Variants in LRRC1 observed in about 807,000 individuals in gnomAD.
The protein encoded by LRRC1 is leucine rich repeat containing 1.
In LRRC1, 28 loss-of-function variants were observed where a neutral mutation model predicts 69.9. The observed-to-expected ratio is 0.40, with a 90% CI of 0.30 to 0.55. The LOEUF (loss-of-function observed/expected upper bound fraction) is 0.55. Ranked by LOEUF, LRRC1 falls within the 20% of genes least tolerant of loss-of-function variation. LRRC1 has a pLI of 0.47. For missense variants in LRRC1, 498 were observed against 609.0 expected (o/e 0.82, Z 1.92); for synonymous variants, 236 against 240.2 (o/e 0.98, Z 0.16).
chr6:53,845,305 T>C (rs1042919759), intron 2 of LRRC1, among the ~76,000 whole-genome samples: 1 of 152,200 alleles, frequency 6.6e-6, no homozygotes, highest in Non-Finnish European at 1.5e-5. Flanking sequence ...GGCCATTTCT[T>C]GGTCAAGCAG....
At chr6:53,827,017 C>T (rs1402933494) in intron 1 of LRRC1, among the ~76,000 whole-genome samples, 1 of 152,130 alleles carries the variant, frequency 6.6e-6, no homozygotes, top group Non-Finnish European at 1.5e-5. Context: ...CCCACTGTTT[C>T]CAAAACCTGG....
intron 1 of LRRC1, among the ~76,000 whole-genome samples, chr6:53,823,198 A>C (rs918060378): frequency 6.6e-6 from 1 of 152,174 alleles, no homozygotes; most frequent in African/African-American, 2.4e-5. Context: ...TTTTGAATTT[A>C]AAAAGAAAAT....
In LRRC1 at chr6:53,842,150, GTGATAATGAAATTCAGC is replaced by G. The variant is rs754762486; in HGVS notation, c.201_217del (p.Ser67ArgfsTer21). ...GTCAAATTACGAAAGCTTGGACTTAGTGATAATGAAATTCAGCGGCTCCCTCCAGAAATAGCAAACTT... is the reference window on the plus strand; with the variant it reads ...GTCAAATTACGAAAGCTTGGACTTAGGGCTCCCTCCAGAAATAGCAAACTT... On this transcript the variant is annotated frameshift_variant, in exon 2 of 14. Transcript: ENST00000370888. LOFTEE classifies it high-confidence loss of function. 6 of 1,613,858 alleles carry G rather than the reference GTGATAATGAAATTCAGC, an allele frequency of 3.7e-6. No homozygotes were observed. Among genetic ancestry groups the G allele is most frequent in the Non-Finnish European group, 5.1e-6 (6 of 1,179,916 alleles).
At chr6:53,809,486 C>T (rs4475321) in intron 1 of LRRC1, among the ~76,000 whole-genome samples, 95,137 of 152,064 alleles carry the variant, frequency 0.63, 30,073 homozygotes, top group East Asian at 0.9. Flanking sequence ...AGGAGCAAAG[C>T]GAATCAGATC....
intron 1 of LRRC1, among the ~76,000 whole-genome samples, chr6:53,798,449 A>G (rs1034504986): frequency 4.6e-5 from 7 of 152,040 alleles, no homozygotes. Flanking sequence ...CACGATCTCC[A>G]CTCACTGCAA....
chr6:53,916,304 A>G (rs977448795), intron 11 of LRRC1, among the ~76,000 whole-genome samples: 1 of 152,234 alleles, frequency 6.6e-6, no homozygotes, highest in African/African-American at 2.4e-5. Context: ...GAAATAGCTT[A>G]TACTTTTGAA....
Position 53,923,220 on chromosome 6 carries a change from C to G in LRRC1, c.*427C>G, listed in dbSNP as rs1562077993. On this transcript the variant is annotated 3_prime_UTR_variant, in exon 14 of 14. Coordinates refer to ENST00000370888, the MANE Select transcript of LRRC1 (RefSeq NM_018214.5). ...GGGGAAAAATGGATACTTTTTAAAC[C>G]TTTTTTGGCAGCTCAGATGGTGTAA... 1 of 155,028 alleles carries G rather than the reference C, an allele frequency of 6.5e-6. No individual in the cohort carries two copies. Among genetic ancestry groups the G allele is most frequent in the Non-Finnish European group, 1.4e-5 (1 of 69,916 alleles). The allele number at this position is 155,028 out of a possible 1,614,324, so 9.6% of individuals were successfully genotyped here.
chr6:53,828,958 A>G (rs193001188), intron 1 of LRRC1, among the ~76,000 whole-genome samples: 1 of 152,362 alleles, frequency 6.6e-6, no homozygotes, highest in Admixed American at 6.5e-5. Flanking sequence ...AAGATGTGGT[A>G]TGTGGTGGTT....
intron 4 of LRRC1, among the ~76,000 whole-genome samples, chr6:53,886,791 C>T (rs909792987): frequency 6.6e-6 from 1 of 152,110 alleles, no homozygotes; most frequent in Non-Finnish European, 1.5e-5. Flanking sequence ...GAAATAGATC[C>T]CAGACTTGCA....
chr6:53,912,883 T>G (rs1472087506), intron 10 of LRRC1, among the ~76,000 whole-genome samples: 1 of 149,418 alleles, frequency 6.7e-6, no homozygotes, highest in Non-Finnish European at 1.5e-5. Context: ...TTTCTAGCAA[T>G]TGCCCTTAGT....
At position 53,919,535 on chromosome 6, in the gene LRRC1, T is replaced by G; in HGVS notation, c.1144T>G (p.Leu382Val). 1.2e-6 allele frequency: 2 copies of G among 1,610,046 alleles called. No individual in the cohort carries two copies. The highest frequency in any genetic ancestry group is 1.7e-6 in the Non-Finnish European group (2 of 1,178,670). ...ACCTTTATCCCTGACTGCCTTGAAG[T>G]TGAAGGCTCTGTGGCTATCTGACAA... is the stretch of plus-strand genomic sequence containing the variant. ...HLPLSLTALK[L>V]KALWLSDNQS... Residue 382 changes from leucine to valine, a missense_variant, in exon 12 of 14, where the codon TTG becomes GTG. Physicochemically the swap from Leu to Val is conservative, Grantham distance 32. Transcript: ENST00000370888.
intron 7 of LRRC1, among the ~76,000 whole-genome samples, chr6:53,898,486 CTG>C (rs1313593167): frequency 5.3e-5 from 8 of 152,150 alleles, no homozygotes; most frequent in Non-Finnish European, 1.0e-4. Flanking sequence ...GTGTAAATGA[CTG>C]TGCAAAGTGT....
chr6:53,828,031 A>G (rs1010036654), intron 1 of LRRC1, among the ~76,000 whole-genome samples: 3 of 152,148 alleles, frequency 2.0e-5, no homozygotes, highest in African/African-American at 2.4e-5. Flanking sequence ...AGACTTTTAT[A>G]GGCTTACTTA....
chr6:53,842,283 T>C, intron 2 of LRRC1, 56 bp downstream of exon 2: 1 of 1,227,948 alleles, frequency 8.1e-7, no homozygotes, highest in Non-Finnish European at 1.2e-6. Flanking sequence ...TGGGGGTGTT[T>C]TTAGTAAATA....
At chr6:53,824,034 AGTTCTGTTTTT>A (rs1765188991) in intron 1 of LRRC1, among the ~76,000 whole-genome samples, 1 of 151,960 alleles carries the variant, frequency 6.6e-6, no homozygotes, top group Non-Finnish European at 1.5e-5. Flanking sequence ...TTTGAGTGGT[AGTTCTGTTTTT>A]AGGTCTTTGA....
At chr6:53,869,198 C>G (rs1383592539) in intron 2 of LRRC1, among the ~76,000 whole-genome samples, 1 of 151,730 alleles carries the variant, frequency 6.6e-6, no homozygotes, top group East Asian at 1.9e-4. Context: ...GAGGCCTGAA[C>G]CAGGTTGATA....
At chr6:53,896,613 A>G (rs1767883110) in intron 5 of LRRC1, 59 bp downstream of exon 5, 4 of 1,443,762 alleles carry the variant, frequency 2.8e-6, no homozygotes, top group Non-Finnish European at 3.9e-6. Context: ...AGTATTTAAA[A>G]AAACAGGACT....
chr6:53,805,041 T>TA (rs1482625473), intron 1 of LRRC1, among the ~76,000 whole-genome samples: 1 of 152,196 alleles, frequency 6.6e-6, no homozygotes, highest in Non-Finnish European at 1.5e-5. Context: ...TTCTTCTTTT[T>TA]ATCTCTGTGC....
At position 53,882,829 on chromosome 6, in the gene LRRC1, A is replaced by G. The variant is rs74722067; in HGVS notation, c.357-58A>G. 2,298 of 1,006,608 alleles carry G rather than the reference A, an allele frequency of 2.3e-3. 27 individuals carry two copies. The African/African-American group carries it at 0.031, about 13-fold the overall frequency. The allele number at this position is 1,006,608 out of a possible 1,614,324, so 62.4% of individuals were successfully genotyped here. A position where few individuals can be genotyped will look rare whatever the true frequency, so the allele number is the denominator to read the frequency against. On this transcript the variant is annotated intron_variant, in intron 3 of 13. Coordinates refer to ENST00000370888, the MANE Select transcript of LRRC1 (RefSeq NM_018214.5). The stretch of plus-strand genomic sequence containing the variant: ...ATAAATCATTATATTTATGCTTGGT[A>G]TACACTATACATGAACTTTTTTAAT...
Sources: allele counts gnomAD v4.1 joint callset (sites outside exome capture counted in the v4.1 genomes callset), GRCh38; gene constraint gnomAD v4.1.1; transcripts MANE v1.5; gene names NCBI Gene and HGNC (gene_info 2026-07-23, HGNC 2026-07-21).